PDXK: variants seen among roughly 807,000 people sequenced by gnomAD.
PDXK encodes pyridoxal kinase, also known as epididymis secretory sperm binding protein Li 1a.
A neutral mutation model predicts 43.2 loss-of-function variants in PDXK; 15 were observed. That is an observed-to-expected ratio of 0.35 (90% confidence interval 0.23 to 0.53). The LOEUF is 0.53. Ranked by LOEUF, PDXK falls within the 20% of genes least tolerant of loss-of-function variation. The probability of loss-of-function intolerance (pLI) is 0.92; values close to 1 mark genes in which losing one functional copy is unlikely to be tolerated. For synonymous variants in PDXK, 172 were observed against 165.4 expected, an observed-to-expected ratio of 1.04 and a Z score of -0.31; for missense variants, 343 against 417.0, an observed-to-expected ratio of 0.82 and a Z score of 1.54.
At chr21:43,755,908 C>A (rs1469952302) in intron 10 of PDXK, 43 bp from the exon 11 acceptor site, 1 of 1,504,516 alleles carries the variant, frequency 6.6e-7, no homozygotes, top group East Asian at 2.3e-5. Flanking sequence ...ACAGCGGGAG[C>A]CCCTCTGAGA....
Position 43,732,460 on chromosome 21 carries a change from G to C in PDXK, c.88-1609G>C, listed in dbSNP as rs762593840. The C allele has an allele frequency of 3.1e-6, 5 of 1,609,232 alleles. No homozygotes were observed. The highest frequency in any genetic ancestry group is 4.2e-6 in the Non-Finnish European group (5 of 1,176,690). On this transcript the variant is annotated intron_variant, in intron 1 of 10. Coordinates refer to ENST00000291565, the MANE Select transcript of PDXK (RefSeq NM_003681.5). The surrounding 1 kb of genome is among the most constrained non-coding windows in gnomAD (Gnocchi z 4.1). ...TTGATGGGGTGTGTGAAACGGAGAT[G>C]CCAGCCCAGGGGCTCAGCTTGCTCG...
chr21:43,723,138 CTTCTTT>C lies in PDXK; in HGVS notation c.87+3770_87+3775del, dbSNP rs1326747532. Among the ~76,000 whole-genome samples the C allele has an allele frequency of 1.3e-5, 2 of 151,360 alleles. No homozygotes were observed. Among genetic ancestry groups the C allele is most frequent in the East Asian group, 1.9e-4 (1 of 5,156 alleles). ...CAGGCATGGGGCCACCACGCCTGGC[CTTCTTT>C]TTCTTTTTCTTTCTTTTTTTTTTTT... On this transcript the variant is annotated intron_variant, in intron 1 of 10. Coordinates refer to ENST00000291565, the MANE Select transcript of PDXK (RefSeq NM_003681.5). This position sits in a 1 kb window ranked among gnomAD's most constrained non-coding sequence, Gnocchi z 4.1.
chr21:43,753,822 C>T, intron 9 of PDXK, 103 bp downstream of exon 9: 1 of 1,350,046 alleles, frequency 7.4e-7, no homozygotes, highest in Middle Eastern at 2.3e-4. Flanking sequence ...GCTGACAGGG[C>T]ATGGCCCTGA....
chr21:43,754,420 T>C lies in PDXK; in HGVS notation c.759+701T>C, dbSNP rs1213894483. On this transcript the variant is annotated intron_variant, in intron 9 of 10. Coordinates refer to ENST00000291565, the MANE Select transcript of PDXK (RefSeq NM_003681.5). This position sits in a 1 kb window ranked among gnomAD's most constrained non-coding sequence, Gnocchi z 5.5. ...GGGGACAGAGGAGTTTTGTTGCAACTGTGGCGCTCAGATCCGTGACCTCCC... is the reference window on the plus strand; with the variant it reads ...GGGGACAGAGGAGTTTTGTTGCAACCGTGGCGCTCAGATCCGTGACCTCCC... Among the ~76,000 whole-genome samples, 1 of 152,116 alleles carries C rather than the reference T, an allele frequency of 6.6e-6. No individual in the cohort carries two copies. The highest frequency in any genetic ancestry group is 1.5e-5 in the Non-Finnish European group (1 of 68,000).
intron 3 of PDXK, among the ~76,000 whole-genome samples, chr21:43,742,845 G>C (rs2083560941): frequency 6.6e-6 from 1 of 152,150 alleles, no homozygotes; most frequent in Non-Finnish European, 1.5e-5. Flanking sequence ...TCTGGACTAG[G>C]GGACAGAATG....
At chr21:43,742,879 G>A (rs187187611) in intron 3 of PDXK, among the ~76,000 whole-genome samples, 55 of 152,194 alleles carry the variant, frequency 3.6e-4, no homozygotes, top group Admixed American at 1.6e-3. Context: ...AAATAAATAA[G>A]ATTAAAGTGT....
intron 7 of PDXK, among the ~76,000 whole-genome samples, chr21:43,751,724 G>A (rs771274106): frequency 6.6e-6 from 1 of 152,078 alleles, no homozygotes; most frequent in African/African-American, 2.4e-5. Flanking sequence ...GGCTCGAGGG[G>A]CCCATGCTGC....
rs1265545757 is a variant in PDXK at position 43,746,069 on chromosome 21, G to A, written c.332-10G>A. ...GCCTTTGCTGATAAGATGCCCTTGT[G>A]TCTCTGCAGTGTGTGATCCAGTCTT... On this transcript the variant is annotated splice_polypyrimidine_tract_variant and intron_variant, in intron 4 of 10. Coordinates refer to ENST00000291565, the MANE Select transcript of PDXK (RefSeq NM_003681.5). 1 of 1,611,262 alleles carries A rather than the reference G, an allele frequency of 6.2e-7. No individual in the cohort carries two copies. The highest frequency in any genetic ancestry group is 8.5e-7 in the Non-Finnish European group (1 of 1,177,318).
chr21:43,737,663 G>A lies in PDXK; in HGVS notation c.142+3540G>A. The A allele has an allele frequency of 1.0e-6, 1 of 986,414 alleles. No homozygotes were observed. Among genetic ancestry groups the A allele is most frequent in the Non-Finnish European group, 1.2e-6 (1 of 830,542 alleles). The allele number at this position is 986,414 out of a possible 1,614,324, so 61.1% of individuals were successfully genotyped here. On this transcript the variant is annotated intron_variant, in intron 2 of 10. Coordinates refer to ENST00000291565, the MANE Select transcript of PDXK (RefSeq NM_003681.5). This position sits in a 1 kb window ranked among gnomAD's most constrained non-coding sequence, Gnocchi z 4.8. Reference sequence around the variant, plus strand: ...CACAAGGAGCTGCGGGGCTGGAGAAGGCCAGGGCCAGGAGCCTGCCGACGG... The same window carrying A: ...CACAAGGAGCTGCGGGGCTGGAGAAAGCCAGGGCCAGGAGCCTGCCGACGG...
intron 1 of PDXK, among the ~76,000 whole-genome samples, chr21:43,731,700 A>C (rs965875954): frequency 1.3e-5 from 2 of 148,690 alleles, no homozygotes; most frequent in African/African-American, 2.6e-5. Context: ...CCTTGGACCA[A>C]GAACCAGTCT....
In PDXK at chr21:43,755,704, T is replaced by C; in HGVS notation, c.766T>C (p.Cys256Arg). 1 of 1,613,586 alleles carries C rather than the reference T, an allele frequency of 6.2e-7. No individual in the cohort carries two copies. Reference protein sequence around the residue: ...HKHPNNLKVACEKTVSTLHHV... With the variant: ...HKHPNNLKVAREKTVSTLHHV... ...AAGTCTGTCCTCCCTGCAGGTGGCC[T>C]GTGAGAAGACCGTGTCTACCTTGCA... is the stretch of plus-strand genomic sequence containing the variant. The change falls in exon 10 of 11, where the codon TGT becomes CGT. Residue 256 changes from cysteine to arginine, a missense_variant. Physicochemically the swap from Cys to Arg is radical, Grantham distance 180 (BLOSUM62 -3). Transcript: ENST00000291565.
chr21:43,749,606 G>A (rs2083699303), intron 6 of PDXK, among the ~76,000 whole-genome samples: 1 of 152,206 alleles, frequency 6.6e-6, no homozygotes, highest in South Asian at 2.1e-4. Context: ...AGAAGCCCCT[G>A]CCCACCTGGG....
Position 43,758,406 on chromosome 21 carries a change from T to A in PDXK, c.*2343T>A, listed in dbSNP as rs1334677360. The A allele has an allele frequency of 6.5e-6, 1 of 153,424 alleles. No homozygotes were observed. The highest frequency in any genetic ancestry group is 1.5e-5 in the Non-Finnish European group (1 of 68,068). The allele number at this position is 153,424 out of a possible 1,614,324, so 9.5% of individuals were successfully genotyped here. ...ATCGGGGGTTTCTGAGAGCAGATGG[T>A]GCCTTTGTGGGTGCAGGGCTTTTGT... On this transcript the variant is annotated 3_prime_UTR_variant, in exon 11 of 11. Coordinates refer to ENST00000291565, the MANE Select transcript of PDXK (RefSeq NM_003681.5).
intron 5 of PDXK, among the ~76,000 whole-genome samples, chr21:43,746,495 C>T (rs1483215299): frequency 1.3e-5 from 2 of 152,202 alleles, no homozygotes; most frequent in African/African-American, 2.4e-5. Context: ...TCTCAGCTTA[C>T]TGCAACCTCT....
chr21:43,741,842 C>A, intron 3 of PDXK, 71 bp downstream of exon 3: 1 of 991,648 alleles, frequency 1.0e-6, no homozygotes, highest in South Asian at 1.3e-5. Flanking sequence ...CAGGGAGGTC[C>A]AGAGCACCCC....
intron 8 of PDXK, 54 bp from the exon 9 acceptor site, chr21:43,753,529 G>T: frequency 6.4e-7 from 1 of 1,565,190 alleles, no homozygotes. Flanking sequence ...TGGGAGGCTG[G>T]CCCTGGCAGA....
intron 5 of PDXK, among the ~76,000 whole-genome samples, chr21:43,747,863 T>C (rs1378230560): frequency 6.6e-6 from 1 of 152,158 alleles, no homozygotes; most frequent in African/African-American, 2.4e-5. Context: ...GTGTTGGCCC[T>C]CCCTACCCAA....
At chr21:43,742,205 G>T (rs905124582) in intron 3 of PDXK, among the ~76,000 whole-genome samples, 1 of 152,014 alleles carries the variant, frequency 6.6e-6, no homozygotes, top group African/African-American at 2.4e-5. Flanking sequence ...TTTGAGACAG[G>T]GTCTCACTCT....
rs1319718332 is a variant in PDXK at position 43,759,307 on chromosome 21, C to G, written c.*3244C>G. The G allele has an allele frequency of 2.6e-5, 4 of 153,726 alleles. No homozygotes were observed. The highest frequency in any genetic ancestry group is 9.6e-5 in the African/African-American group (4 of 41,460). 9.5% of individuals were successfully genotyped at this position (153,726 alleles called of 1,614,324 possible). A position where few individuals can be genotyped will look rare whatever the true frequency, so the allele number is the denominator to read the frequency against. On this transcript the variant is annotated 3_prime_UTR_variant, in exon 11 of 11. Coordinates refer to ENST00000291565, the MANE Select transcript of PDXK (RefSeq NM_003681.5). ...CCTCAGATTGCGGGGCCCCGAGCAG[C>G]TCCCCACTCTGCCCGTCCACCTTCC...
Sources: allele counts gnomAD v4.1 joint callset (sites outside exome capture counted in the v4.1 genomes callset), GRCh38; gene constraint gnomAD v4.1.1; non-coding constraint Gnocchi (gnomAD v3.1); transcripts MANE v1.5; gene names NCBI Gene and HGNC (gene_info 2026-07-23, HGNC 2026-07-21).